GRIK2: variants seen among roughly 807,000 people sequenced by gnomAD.
GRIK2 encodes the protein glutamate ionotropic receptor kainate type subunit 2, also known as glutamate receptor ionotropic, kainate 2.
GRIK2 carries 32 observed loss-of-function variants against 100.3 expected under a neutral mutation model. The ratio of observed to expected loss-of-function variants is 0.32; its 90% CI spans 0.24 to 0.43. GRIK2 has a LOEUF of 0.43. GRIK2 is among the 20% of genes least tolerant of loss of function. GRIK2 has a pLI of 1.00. For missense variants in GRIK2, 843 were observed against 1,114.9 expected (o/e 0.76, Z 3.47); for synonymous variants, 417 against 389.4 (o/e 1.07, Z -0.83).
chr6:101,628,677 T>C (rs1420714478), intron 4 of GRIK2, among the ~76,000 whole-genome samples: 1 of 152,098 alleles, frequency 6.6e-6, no homozygotes, highest in Non-Finnish European at 1.5e-5. Flanking sequence ...ACATGTGCAT[T>C]GTTAATCTGT....
chr6:101,753,405 G>T (rs930831050), intron 7 of GRIK2, among the ~76,000 whole-genome samples: 4 of 151,594 alleles, frequency 2.6e-5, no homozygotes, highest in African/African-American at 4.8e-5. Context: ...TTTAAAGGAA[G>T]AAATCATTTT....
At chr6:101,832,783 T>C (rs2128428820) in intron 10 of GRIK2, among the ~76,000 whole-genome samples, 1 of 152,282 alleles carries the variant, frequency 6.6e-6, no homozygotes, top group Non-Finnish European at 1.5e-5. Flanking sequence ...TAAATTCTGG[T>C]TTTGGCTTTA....
At chr6:101,472,948 C>T (rs1772027407) in intron 2 of GRIK2, among the ~76,000 whole-genome samples, 1 of 151,506 alleles carries the variant, frequency 6.6e-6, no homozygotes, top group Admixed American at 6.6e-5. Flanking sequence ...AAGGTCGAGA[C>T]TATTTCTATA....
intron 14 of GRIK2, among the ~76,000 whole-genome samples, chr6:102,025,454 T>C (rs1769644978): frequency 6.6e-6 from 1 of 151,218 alleles, no homozygotes; most frequent in African/African-American, 2.4e-5. Flanking sequence ...GTCGAGGGTT[T>C]TAATTTTAAA....
intron 2 of GRIK2, among the ~76,000 whole-genome samples, chr6:101,484,541 A>ACG (rs976757730): frequency 4.3e-5 from 5 of 115,068 alleles, no homozygotes; most frequent in African/African-American, 1.5e-4. Flanking sequence ...ATGTAACTAC[A>ACG]CACACACACA....
chr6:101,570,074 A>C (rs1777460276), intron 2 of GRIK2, among the ~76,000 whole-genome samples: 1 of 152,118 alleles, frequency 6.6e-6, no homozygotes, highest in Non-Finnish European at 1.5e-5. Context: ...AAACTGCTTA[A>C]GACTGTCTTC....
chr6:101,783,066 G>A (rs1006355215), intron 7 of GRIK2, among the ~76,000 whole-genome samples: 2 of 151,944 alleles, frequency 1.3e-5, no homozygotes, highest in South Asian at 2.1e-4. Context: ...CACTGTGTTA[G>A]CCAGGATGGT....
At chr6:101,605,862 AT>A (rs1779417676) in intron 2 of GRIK2, among the ~76,000 whole-genome samples, 2 of 152,152 alleles carry the variant, frequency 1.3e-5, no homozygotes, top group East Asian at 3.9e-4. Flanking sequence ...AGAGCAACTG[AT>A]TAACATAATA....
intron 12 of GRIK2, among the ~76,000 whole-genome samples, chr6:101,916,524 A>G (rs1340383153): frequency 6.6e-6 from 1 of 151,678 alleles, no homozygotes; most frequent in Non-Finnish European, 1.5e-5. Context: ...TTAGGAATAA[A>G]TTAGATCATA....
At chr6:101,867,888 C>T (rs1010489580) in intron 11 of GRIK2, among the ~76,000 whole-genome samples, 1 of 151,336 alleles carries the variant, frequency 6.6e-6, no homozygotes, top group African/African-American at 2.4e-5. Context: ...AAAACCAGAG[C>T]TAAGGATTAT....
chr6:101,991,213 G>A (rs142217489), intron 14 of GRIK2, among the ~76,000 whole-genome samples: 31 of 151,138 alleles, frequency 2.1e-4, no homozygotes, highest in East Asian at 1.8e-3. Context: ...AGACTTTATC[G>A]TATGCCAGAC....
At chr6:101,939,751 C>T (rs1790843884) in intron 14 of GRIK2, among the ~76,000 whole-genome samples, 1 of 152,058 alleles carries the variant, frequency 6.6e-6, no homozygotes, top group African/African-American at 2.4e-5. Context: ...GAGTTTTTGT[C>T]AGCCTTCTCT....
rs971513208 is a variant in GRIK2 at position 101,401,568 on chromosome 6, C to T, written c.115+2176C>T. On this transcript the variant is annotated intron_variant, in intron 2 of 16. Coordinates refer to ENST00000369134, the MANE Select transcript of GRIK2 (RefSeq NM_021956.5). Reference sequence around the variant, plus strand: ...TTCTACGTTAACTTAAAACATCTTCCACGTGGAGATGCATTTCTTCTGATT... The same window carrying T: ...TTCTACGTTAACTTAAAACATCTTCTACGTGGAGATGCATTTCTTCTGATT... 2.0e-5 allele frequency among the ~76,000 whole-genome samples: 3 copies of T among 152,304 alleles called. No individual in the cohort carries two copies. In the East Asian group the frequency reaches 5.8e-4, roughly 29 times the overall value.
rs529603578 is a variant in GRIK2 at position 101,914,774 on chromosome 6, A to G, written c.1749-9827A>G. Among the ~76,000 whole-genome samples the G allele has an allele frequency of 7.2e-5, 11 of 151,768 alleles. No homozygotes were observed. In the East Asian group the frequency reaches 1.7e-3, roughly 24 times the overall value. ...TTTCTTGAGCTTTCAGTTATATTCA[A>G]TTGAACCAAATATATTTACATTCAG... On this transcript the variant is annotated intron_variant, in intron 12 of 16. Coordinates refer to ENST00000369134, the MANE Select transcript of GRIK2 (RefSeq NM_021956.5).
chr6:101,964,072 T>A (rs1792502977), intron 14 of GRIK2, among the ~76,000 whole-genome samples: 1 of 144,444 alleles, frequency 6.9e-6, no homozygotes, highest in South Asian at 2.2e-4. Flanking sequence ...TGAAAAAAAA[T>A]ACATATAATT....
At chr6:101,638,010 C>A (rs1023433965) in intron 4 of GRIK2, among the ~76,000 whole-genome samples, 8 of 151,626 alleles carry the variant, frequency 5.3e-5, no homozygotes, top group African/African-American at 1.9e-4. Context: ...AATATTATTT[C>A]TTGATGCAAG....
intron 2 of GRIK2, among the ~76,000 whole-genome samples, chr6:101,401,657 G>A (rs920161537): frequency 5.9e-5 from 9 of 152,210 alleles, no homozygotes; most frequent in African/African-American, 1.7e-4. Flanking sequence ...CCCTGTTGGG[G>A]CTATTTTGAT....
chr6:101,898,061 A>C (rs2128460453), intron 12 of GRIK2, among the ~76,000 whole-genome samples: 1 of 151,976 alleles, frequency 6.6e-6, no homozygotes, highest in South Asian at 2.1e-4. Flanking sequence ...ATATTTGAGA[A>C]CTATAAAGAG....
chr6:101,844,696 T>C (rs1424681491), intron 10 of GRIK2, among the ~76,000 whole-genome samples: 3 of 152,196 alleles, frequency 2.0e-5, no homozygotes, highest in African/African-American at 4.8e-5. Context: ...CCCATTATTA[T>C]GTTGTGTTTA....
Sources: gnomAD v4.1 joint callset for allele counts (sites outside exome capture counted in the v4.1 genomes callset) on GRCh38, gnomAD v4.1.1 for gene constraint, MANE v1.5 for transcripts, NCBI Gene and HGNC (gene_info 2026-07-23, HGNC 2026-07-21) for gene names.